The following DCAF6 variants were observed in gnomAD, a reference collection of about 807,000 sequenced individuals.
DCAF6 encodes DDB1 and CUL4 associated factor 6, also known as DDB1- and CUL4-associated factor 6.
In DCAF6, 54 loss-of-function variants were observed where a neutral mutation model predicts 125.1. The observed-to-expected ratio is 0.43, with a 90% CI of 0.35 to 0.54. The LOEUF (loss-of-function observed/expected upper bound fraction) is 0.54, where lower values mean the gene tolerates loss of function less well. DCAF6 is among the 20% of genes least tolerant of loss of function. The pLI is 0.01. For missense variants in DCAF6, 934 were observed against 1,161.7 expected (o/e 0.80, Z 2.85); for synonymous variants, 371 against 390.4 (o/e 0.95, Z 0.58).
Position 167,937,449 on chromosome 1 carries a change from G to A in DCAF6, c.97+441G>A, listed in dbSNP as rs114379553. On this transcript the variant is annotated intron_variant, in intron 1 of 21. Transcript: ENST00000367840. Reference sequence around the variant, plus strand: ...TCCAGAGGGTTTAGGTGTCGGCTGCGACGCGTTGACCACCCTCAGGGACTT... The same window carrying A: ...TCCAGAGGGTTTAGGTGTCGGCTGCAACGCGTTGACCACCCTCAGGGACTT... 6.3e-3 allele frequency among the ~76,000 whole-genome samples: 963 copies of A among 152,220 alleles called. 9 individuals carry two copies. The highest frequency in any genetic ancestry group is 0.022 in the African/African-American group (913 of 41,532).
At chr1:167,954,620 T>G (rs993805576) in intron 2 of DCAF6, among the ~76,000 whole-genome samples, 39 of 151,802 alleles carry the variant, frequency 2.6e-4, no homozygotes, top group Non-Finnish European at 1.2e-4. Context: ...GCGCGGCTAA[T>G]TTTTGGTATT....
At chr1:168,035,798 C>A (rs752782463) in intron 12 of DCAF6, among the ~76,000 whole-genome samples, 1 of 152,180 alleles carries the variant, frequency 6.6e-6, no homozygotes, top group Non-Finnish European at 1.5e-5. Context: ...CATGGTGGCT[C>A]ATGCCTGTAA....
At chr1:167,868,796 G>C in the DCAF6 span, among the ~76,000 whole-genome samples, 1 of 152,098 alleles carries the variant, frequency 6.6e-6, no homozygotes, top group Non-Finnish European at 1.5e-5. Flanking sequence ...CAATACTATA[G>C]GCCTGCCACT....
the DCAF6 span, among the ~76,000 whole-genome samples, chr1:167,925,536 T>G: frequency 1.4e-5 from 2 of 143,512 alleles, no homozygotes; most frequent in African/African-American, 5.1e-5. Context: ...TTTTTTTGGT[T>G]TTTTTTTTGG....
rs571070510 is a variant in DCAF6 at position 167,978,701 on chromosome 1, T to TG, written c.438+3690dup. On this transcript the variant is annotated intron_variant, in intron 4 of 21. Coordinates refer to ENST00000367840, the MANE Select transcript of DCAF6 (RefSeq NM_001198956.2). ...GGTGCGGTTTGTGTGTTTTGAGAGA[T>TG]GGGGTCTCACTTTTTCACCCAGGCT... Among the ~76,000 whole-genome samples, 580 of 152,224 alleles carry TG rather than the reference T, an allele frequency of 3.8e-3. 3 individuals are homozygous for TG. Among genetic ancestry groups the TG allele is most frequent in the African/African-American group, 0.013 (548 of 41,526 alleles).
chr1:168,043,146 G>A lies in DCAF6; in HGVS notation c.1843+6G>A, dbSNP rs1367193364. 6 of 1,603,134 alleles carry A rather than the reference G, an allele frequency of 3.7e-6. No homozygotes were observed. Among genetic ancestry groups the A allele is most frequent in the Non-Finnish European group, 5.1e-6 (6 of 1,171,358 alleles). ...AGAAGGAGACAGTGAAACAAGTAAG[G>A]TGTTATTTTGCTTTTGTTGTTATAA... On this transcript the variant is annotated splice_donor_region_variant and intron_variant, in intron 14 of 21. Coordinates refer to ENST00000367840, the MANE Select transcript of DCAF6 (RefSeq NM_001198956.2).
At chr1:168,070,262 C>CA (rs1269202914) in intron 21 of DCAF6, among the ~76,000 whole-genome samples, 1 of 151,806 alleles carries the variant, frequency 6.6e-6, no homozygotes, top group Non-Finnish European at 1.5e-5. Flanking sequence ...ATAAAGTGCC[C>CA]AAGAGTTAAC....
intron 1 of DCAF6, among the ~76,000 whole-genome samples, chr1:167,950,690 C>A (rs1475854611): frequency 1.3e-5 from 2 of 152,184 alleles, no homozygotes; most frequent in Non-Finnish European, 2.9e-5. Context: ...TATGAGAGAT[C>A]TCATCAGCCT....
chr1:167,869,619 C>T, the DCAF6 span, among the ~76,000 whole-genome samples: 5 of 152,104 alleles, frequency 3.3e-5, no homozygotes, highest in African/African-American at 1.2e-4. Context: ...CTATAGATTC[C>T]ACACATTGTA....
At chr1:167,923,089 A>AT in the DCAF6 span, among the ~76,000 whole-genome samples, 10 of 152,218 alleles carry the variant, frequency 6.6e-5, no homozygotes, top group African/African-American at 2.4e-4. Context: ...TGGAGAAATT[A>AT]GAACACTTAT....
chr1:168,065,480 T>C, intron 18 of DCAF6, 110 bp from the exon 19 acceptor site: 1 of 912,486 alleles, frequency 1.1e-6, no homozygotes, highest in South Asian at 1.9e-5. Context: ...TCTAAGCCAG[T>C]TTTTTAAAAA....
At chr1:168,073,954 A>G (rs1291871283) in intron 21 of DCAF6, among the ~76,000 whole-genome samples, 2 of 147,498 alleles carry the variant, frequency 1.4e-5, no homozygotes, top group Non-Finnish European at 3.0e-5. Context: ...CATTTATTTT[A>G]TAAATATGTA....
the DCAF6 span, among the ~76,000 whole-genome samples, chr1:167,923,503 TAG>T: frequency 6.6e-6 from 1 of 152,184 alleles, no homozygotes; most frequent in South Asian, 2.1e-4. Context: ...GTGAAATTCA[TAG>T]AGACAGAAGG....
chr1:168,025,091 G>C (rs748362023), intron 12 of DCAF6, among the ~76,000 whole-genome samples: 7 of 151,890 alleles, frequency 4.6e-5, no homozygotes, highest in Non-Finnish European at 1.0e-4. Context: ...ATAATTAAAG[G>C]ATTTTTTTTC....
intron 10 of DCAF6, among the ~76,000 whole-genome samples, chr1:168,013,058 GA>G (rs1268245844): frequency 2.0e-5 from 3 of 152,102 alleles, no homozygotes; most frequent in Admixed American, 6.5e-5. Flanking sequence ...GATTTCTTTT[GA>G]AGTGTGAAGT....
At chr1:167,918,389 A>G in the DCAF6 span, 32 of 1,359,440 alleles carry the variant, frequency 2.4e-5, 1 homozygote, top group African/African-American at 2.9e-5. Context: ...AAAAATAATC[A>G]TCAATAATAA....
At position 167,989,585 on chromosome 1, in the gene DCAF6, A is replaced by T. The variant is rs2102998174; in HGVS notation, c.553-1619A>T. On this transcript the variant is annotated intron_variant, in intron 5 of 21. Coordinates refer to ENST00000367840, the MANE Select transcript of DCAF6 (RefSeq NM_001198956.2). Reference sequence around the variant, plus strand: ...ACAAAGTATAAGGTTAAATTGACTTAAAAACATTACTGAGGGGCCGGGCGC... The same window carrying T: ...ACAAAGTATAAGGTTAAATTGACTTTAAAACATTACTGAGGGGCCGGGCGC... Among the ~76,000 whole-genome samples the T allele has an allele frequency of 3.3e-5, 5 of 152,318 alleles. No homozygotes were observed. In the South Asian group the frequency reaches 1.0e-3, roughly 32 times the overall value.
At chr1:167,892,032 GGA>G in the DCAF6 span, among the ~76,000 whole-genome samples, 151,277 of 151,286 alleles carry the variant, frequency 1, 75,636 homozygotes, top group Middle Eastern at 1. Context: ...GGAGTGCAGT[GGA>G]GCAATCTCGG....
intron 7 of DCAF6, among the ~76,000 whole-genome samples, chr1:168,000,695 A>G (rs138890139): frequency 2.0e-4 from 31 of 152,308 alleles, no homozygotes; most frequent in African/African-American, 4.6e-4. Flanking sequence ...ACCTGCTACA[A>G]TATGAATAAA....
Sources: gnomAD v4.1 joint callset for allele counts (sites outside exome capture counted in the v4.1 genomes callset) on GRCh38, gnomAD v4.1.1 for gene constraint, MANE v1.5 for transcripts, NCBI Gene and HGNC (gene_info 2026-07-23, HGNC 2026-07-21) for gene names.